TBC1D19: variants seen among roughly 807,000 people sequenced by gnomAD.
TBC1D19 encodes the protein TBC1 domain family, member 19.
In TBC1D19, 60 loss-of-function variants were observed where a neutral mutation model predicts 89.0. The observed-to-expected ratio is 0.67, with a 90% CI of 0.55 to 0.84. The LOEUF is 0.84. TBC1D19 is among the 40% of genes least tolerant of loss of function. The pLI, the probability that TBC1D19 is intolerant of heterozygous loss-of-function variation, is 0.00. For missense variants in TBC1D19, 500 were observed against 610.8 expected (o/e 0.82, Z 1.91); for synonymous variants, 189 against 199.7 (o/e 0.95, Z 0.45).
chr4:26,806,868 T>C, the TBC1D19 span, among the ~76,000 whole-genome samples: 2 of 152,148 alleles, frequency 1.3e-5, no homozygotes, highest in African/African-American at 4.8e-5. Flanking sequence ...ATGCCAAAGA[T>C]GGCTGGTAAA....
At chr4:26,673,166 C>T (rs1048266681) in intron 10 of TBC1D19, among the ~76,000 whole-genome samples, 2 of 151,416 alleles carry the variant, frequency 1.3e-5, no homozygotes, top group Admixed American at 6.6e-5. Context: ...ATAATTTGAG[C>T]CTTCTTGCAA....
chr4:26,743,159 A>C (rs778408650), intron 18 of TBC1D19, among the ~76,000 whole-genome samples: 2 of 151,982 alleles, frequency 1.3e-5, no homozygotes, highest in Non-Finnish European at 1.5e-5. Flanking sequence ...TATTGGTTCT[A>C]TCTCTCTCTT....
At chr4:26,720,200 T>C (rs921028677) in intron 15 of TBC1D19, 75 bp downstream of exon 15, 14 of 1,100,070 alleles carry the variant, frequency 1.3e-5, no homozygotes, top group Non-Finnish European at 1.8e-5. Context: ...TGTGACTTTC[T>C]TATTCTCTTT....
intron 2 of TBC1D19, 53 bp from the exon 3 acceptor site, chr4:26,614,355 G>C: frequency 3.2e-6 from 4 of 1,257,068 alleles, no homozygotes; most frequent in Non-Finnish European, 3.3e-6. Flanking sequence ...TGTAATGTAT[G>C]TTTACTTAAA....
At position 26,694,495 on chromosome 4, in the gene TBC1D19, G is replaced by A. The variant is rs537514120; in HGVS notation, c.954+6088G>A. On this transcript the variant is annotated intron_variant, in intron 13 of 20. Transcript: ENST00000264866. ...GCCGGGCATAGCCGAACAAAAGGCA[G>A]CAGAAACCTCTGCAGACTTAAACGT... Among the ~76,000 whole-genome samples, 101 of 152,334 alleles carry A rather than the reference G, an allele frequency of 6.6e-4. 1 individual carries two copies. The highest frequency in any genetic ancestry group is 2.3e-3 in the African/African-American group (94 of 41,578).
chr4:26,660,101 C>A (rs187103344), intron 8 of TBC1D19, among the ~76,000 whole-genome samples: 1 of 152,158 alleles, frequency 6.6e-6, no homozygotes, highest in Admixed American at 6.5e-5. Context: ...CAAGATGAGG[C>A]ACTTAGGGAG....
At chr4:26,650,345 C>T (rs2109041495) in intron 7 of TBC1D19, among the ~76,000 whole-genome samples, 1 of 152,276 alleles carries the variant, frequency 6.6e-6, no homozygotes, top group Non-Finnish European at 1.5e-5. Context: ...TAAAAGTGTT[C>T]CTATTTCTCC....
chr4:26,852,352 G>A, the TBC1D19 span, among the ~76,000 whole-genome samples: 3 of 152,172 alleles, frequency 2.0e-5, no homozygotes, highest in South Asian at 2.1e-4. Flanking sequence ...TCAGGAGTTC[G>A]AGACCAGCCT....
At chr4:26,729,022 G>GA (rs1717497671) in intron 15 of TBC1D19, among the ~76,000 whole-genome samples, 1 of 151,938 alleles carries the variant, frequency 6.6e-6, no homozygotes, top group South Asian at 2.1e-4. Flanking sequence ...CTCAAAAAAA[G>GA]AAAAAAAGAA....
chr4:26,800,010 TTTA>T, the TBC1D19 span, among the ~76,000 whole-genome samples: 3 of 152,212 alleles, frequency 2.0e-5, no homozygotes, highest in East Asian at 1.9e-4. Context: ...TTTTTTAAAT[TTTA>T]TTATTATCAT....
chr4:26,614,980 A>G (rs1741596321), intron 3 of TBC1D19, among the ~76,000 whole-genome samples: 2 of 152,036 alleles, frequency 1.3e-5, no homozygotes, highest in African/African-American at 4.8e-5. Context: ...GCCTGGCCCC[A>G]CCCATTATTT....
chr4:26,593,205 C>A (rs1418677448), intron 1 of TBC1D19, among the ~76,000 whole-genome samples: 1 of 152,148 alleles, frequency 6.6e-6, no homozygotes, highest in African/African-American at 2.4e-5. Flanking sequence ...ACTATCTGAT[C>A]TTTGACAAAC....
At chr4:26,819,704 C>T in the TBC1D19 span, among the ~76,000 whole-genome samples, 7 of 151,424 alleles carry the variant, frequency 4.6e-5, no homozygotes, top group African/African-American at 1.5e-4. Context: ...TCCCATCTCA[C>T]TCAGAGTAAA....
At chr4:26,797,510 C>T in the TBC1D19 span, among the ~76,000 whole-genome samples, 1 of 152,090 alleles carries the variant, frequency 6.6e-6, no homozygotes, top group South Asian at 2.1e-4. Context: ...ATTAAATTAC[C>T]AACATCATTT....
chr4:26,856,320 G>A, the TBC1D19 span, among the ~76,000 whole-genome samples: 1 of 152,022 alleles, frequency 6.6e-6, no homozygotes. Flanking sequence ...CTTTTTTAAG[G>A]CTCTATAGTA....
At chr4:26,733,990 C>A (rs35654367) in intron 15 of TBC1D19, among the ~76,000 whole-genome samples, 55,151 of 152,076 alleles carry the variant, frequency 0.36, 11,304 homozygotes, top group Non-Finnish European at 0.46. Context: ...TGAAGAAATT[C>A]ATGAAGTCTT....
chr4:26,851,653 C>T, the TBC1D19 span, among the ~76,000 whole-genome samples: 2 of 152,166 alleles, frequency 1.3e-5, no homozygotes, highest in African/African-American at 4.8e-5. Context: ...TTATTTTGTA[C>T]TACAGTATTT....
chr4:26,777,067 T>A, the TBC1D19 span, among the ~76,000 whole-genome samples: 23 of 152,224 alleles, frequency 1.5e-4, no homozygotes, highest in South Asian at 4.8e-3. Flanking sequence ...TTGGTGTTAT[T>A]CTACAGGAAA....
intron 7 of TBC1D19, among the ~76,000 whole-genome samples, chr4:26,640,917 C>T (rs1743459321): frequency 6.6e-6 from 1 of 152,216 alleles, no homozygotes; most frequent in Non-Finnish European, 1.5e-5. Flanking sequence ...GGGTGGAGCC[C>T]ACCACAGCTC....
Sources: allele counts gnomAD v4.1 joint callset (sites outside exome capture counted in the v4.1 genomes callset), GRCh38; gene constraint gnomAD v4.1.1; transcripts MANE v1.5; gene names NCBI Gene and HGNC (gene_info 2026-07-23, HGNC 2026-07-21).